Variants in MINDY4 observed in about 807,000 individuals in gnomAD.
MINDY4 encodes MINDY lysine 48 deubiquitinase 4.
In MINDY4, 68 loss-of-function variants were observed where a neutral mutation model predicts 87.0. The ratio of observed to expected loss-of-function variants is 0.78; its 90% CI spans 0.64 to 0.96. The LOEUF (loss-of-function observed/expected upper bound fraction) is 0.96, where lower values mean the gene tolerates loss of function less well. Among genes scored for constraint, MINDY4 ranks in the 40% least tolerant of loss-of-function variants. The pLI is 0.00. For missense variants in MINDY4, 919 were observed against 928.2 expected (o/e 0.99, Z 0.13); for synonymous variants, 379 against 363.2 (o/e 1.04, Z -0.50).
At chr7:30,780,012 A>G (rs749987106) in intron 2 of MINDY4, 2 of 152,214 alleles carry the variant, frequency 1.3e-5, no homozygotes, top group Admixed American at 1.3e-4. Context: ...CTACAGGAGC[A>G]CTCAGGTTGC....
chr7:30,884,944 C>A (rs538289102), intron 17 of MINDY4, among the ~76,000 whole-genome samples: 10 of 152,300 alleles, frequency 6.6e-5, no homozygotes, highest in African/African-American at 2.4e-4. Context: ...CTTCCCCTGC[C>A]CCTTGTTCAC....
chr7:30,835,160 T>C (rs1237069335), intron 6 of MINDY4, among the ~76,000 whole-genome samples: 1 of 152,238 alleles, frequency 6.6e-6, no homozygotes, highest in Non-Finnish European at 1.5e-5. Context: ...CTCCTGAGAC[T>C]GGGCAATTTA....
chr7:30,870,970 C>T (rs1790087120), intron 13 of MINDY4, among the ~76,000 whole-genome samples: 1 of 151,410 alleles, frequency 6.6e-6, no homozygotes, highest in East Asian at 2.0e-4. Context: ...TCAAGTGTGC[C>T]TCTCAGGGTA....
intron 14 of MINDY4, among the ~76,000 whole-genome samples, chr7:30,872,658 G>C (rs1301079395): frequency 6.6e-6 from 1 of 152,202 alleles, no homozygotes; most frequent in Admixed American, 6.5e-5. Flanking sequence ...GGGGACCCTG[G>C]GTCCAGCTGG....
intron 10 of MINDY4, among the ~76,000 whole-genome samples, chr7:30,851,819 G>T (rs111262111): frequency 0.041 from 6,265 of 152,278 alleles, 153 homozygotes; most frequent in Middle Eastern, 0.092. Flanking sequence ...CACACCCAGG[G>T]GGAGCCTCGG....
intron 9 of MINDY4, among the ~76,000 whole-genome samples, chr7:30,847,492 C>T (rs1789257939): frequency 6.6e-6 from 1 of 152,154 alleles, no homozygotes; most frequent in Non-Finnish European, 1.5e-5. Flanking sequence ...GTTGGTTCTA[C>T]TTACCCAAGC....
chr7:30,774,835 G>A, intron 1 of MINDY4, among the ~76,000 whole-genome samples: 1 of 151,888 alleles, frequency 6.6e-6, no homozygotes, highest in Non-Finnish European at 1.5e-5. Flanking sequence ...GTGGGCTCAA[G>A]GACTTAGTTT....
intron 5 of MINDY4, among the ~76,000 whole-genome samples, chr7:30,812,852 C>A (rs924960556): frequency 1.3e-5 from 2 of 152,186 alleles, no homozygotes; most frequent in Admixed American, 6.5e-5. Flanking sequence ...TTGATTCCAC[C>A]CCCATCGTGA....
intron 5 of MINDY4, 147 bp from the exon 6 acceptor site, chr7:30,828,532 G>A (rs565098698): frequency 3.6e-4 from 262 of 730,944 alleles, no homozygotes; most frequent in Non-Finnish European, 5.6e-4. Context: ...GGCTGAGAGA[G>A]GGGGAGTATT....
chr7:30,874,567 CT>C (rs1478660510), intron 14 of MINDY4, among the ~76,000 whole-genome samples: 1 of 152,236 alleles, frequency 6.6e-6, no homozygotes, highest in Non-Finnish European at 1.5e-5. Context: ...CCACACGTCA[CT>C]TTCTCCAAGT....
chr7:30,805,510 G>A (rs957681396), intron 5 of MINDY4, among the ~76,000 whole-genome samples: 7 of 152,298 alleles, frequency 4.6e-5, no homozygotes, highest in African/African-American at 1.2e-4. Flanking sequence ...TGGAGACCAC[G>A]TGCTTGGTGT....
chr7:30,860,354 T>C (rs943016604), intron 13 of MINDY4, among the ~76,000 whole-genome samples: 2 of 152,144 alleles, frequency 1.3e-5, no homozygotes, highest in Non-Finnish European at 2.9e-5. Flanking sequence ...GGCTGCCTGC[T>C]GCTTGCTGCT....
chr7:30,801,893 A>C (rs946990411), intron 5 of MINDY4, among the ~76,000 whole-genome samples: 1 of 152,156 alleles, frequency 6.6e-6, no homozygotes, highest in African/African-American at 2.4e-5. Flanking sequence ...TGTATTGTCC[A>C]TCTGTGGACA....
intron 17 of MINDY4, among the ~76,000 whole-genome samples, chr7:30,890,796 G>A (rs1365467345): frequency 1.3e-5 from 2 of 152,116 alleles, no homozygotes; most frequent in East Asian, 1.9e-4. Flanking sequence ...TAAACATGGG[G>A]AACAGTGGGT....
intron 5 of MINDY4, among the ~76,000 whole-genome samples, chr7:30,811,986 A>G (rs558894051): frequency 6.6e-6 from 1 of 152,326 alleles, no homozygotes; most frequent in Non-Finnish European, 1.5e-5. Context: ...GCTACAGTCC[A>G]TTTAATGTTT....
intron 9 of MINDY4, among the ~76,000 whole-genome samples, chr7:30,841,107 A>T (rs56365885): frequency 0.036 from 5,362 of 150,812 alleles, 151 homozygotes; most frequent in Non-Finnish European, 0.057. Context: ...CGACATCAAA[A>T]CCAATTTCCC....
chr7:30,839,331 G>A lies in MINDY4; in HGVS notation c.1356+15G>A. Reference sequence around the variant, plus strand: ...TGCAGAACAAGGCAGGTTGCTCCTAGGTTTCCTTGGGACCTTTCTGCTGGG... The same window carrying A: ...TGCAGAACAAGGCAGGTTGCTCCTAAGTTTCCTTGGGACCTTTCTGCTGGG... On this transcript the variant is annotated intron_variant, in intron 8 of 17. Transcript: ENST00000265299. The A allele has an allele frequency of 3.3e-6, 5 of 1,521,586 alleles. No individual in the cohort carries two copies. The highest frequency in any genetic ancestry group is 3.6e-6 in the Non-Finnish European group (4 of 1,115,306). 94.3% of individuals were successfully genotyped at this position (1,521,586 alleles called of 1,614,324 possible). A position where few individuals can be genotyped will look rare whatever the true frequency, so the allele number is the denominator to read the frequency against.
chr7:30,838,188 G>T (rs745341959), intron 7 of MINDY4, among the ~76,000 whole-genome samples: 6 of 152,192 alleles, frequency 3.9e-5, no homozygotes, highest in Non-Finnish European at 7.3e-5. Flanking sequence ...TCATCTGAGG[G>T]CCTGTCCATG....
chr7:30,837,779 G>A (rs1276990924), intron 7 of MINDY4, among the ~76,000 whole-genome samples: 1 of 152,164 alleles, frequency 6.6e-6, no homozygotes, highest in African/African-American at 2.4e-5. Flanking sequence ...GGAGGGCCCA[G>A]GGCACGTGGC....
Sources: gnomAD v4.1 joint callset for allele counts (sites outside exome capture counted in the v4.1 genomes callset) on GRCh38, gnomAD v4.1.1 for gene constraint, MANE v1.5 for transcripts, NCBI Gene and HGNC (gene_info 2026-07-23, HGNC 2026-07-21) for gene names.